The following PPP2R2D variants were observed in gnomAD, a reference collection of about 807,000 sequenced individuals.
PPP2R2D encodes protein phosphatase 2 regulatory subunit Bdelta.
Under a neutral mutation model 31.1 loss-of-function variants are expected in PPP2R2D, and 9 were observed. The ratio of observed to expected loss-of-function variants is 0.29; its 90% CI spans 0.17 to 0.51. The LOEUF is 0.51. Ranked by LOEUF, PPP2R2D falls within the 20% of genes least tolerant of loss-of-function variation. The pLI is 0.98. For missense variants in PPP2R2D, 391 were observed against 465.6 expected (o/e 0.84, Z 1.48); for synonymous variants, 179 against 172.6 (o/e 1.04, Z -0.29).
chr10:131,970,756 C>T, the PPP2R2D span: 1 of 1,614,052 alleles, frequency 6.2e-7, no homozygotes, highest in African/African-American at 1.3e-5. This position sits in a 1 kb window ranked among gnomAD's most constrained non-coding sequence, Gnocchi z 4.1. Flanking sequence ...CTGAGGGTGG[C>T]CGTGCGCTTC....
chr10:131,920,349 TCAGGCAGGTGGAATGACACAG>T (rs1554894058), intron 2 of PPP2R2D, among the ~76,000 whole-genome samples: 1 of 136,824 alleles, frequency 7.3e-6, no homozygotes, highest in East Asian at 2.3e-4. Context: ...TGTAGGGACC[TCAGGCAGGTGGAATGACACAG>T]TGTAGGGACC....
chr10:131,912,897 T>TG (rs1393292751), intron 2 of PPP2R2D, among the ~76,000 whole-genome samples: 1 of 152,086 alleles, frequency 6.6e-6, no homozygotes, highest in Admixed American at 6.6e-5. Context: ...CATCCAGGAG[T>TG]GGGTACACGG....
chr10:131,909,541 TTCAAC>T (rs1443050505), intron 2 of PPP2R2D, among the ~76,000 whole-genome samples: 1 of 152,222 alleles, frequency 6.6e-6, no homozygotes, highest in Non-Finnish European at 1.5e-5. Flanking sequence ...AACGACTGAA[TTCAAC>T]TCTGCCTTTA....
At chr10:131,901,442 C>G in intron 2 of PPP2R2D, 112 bp downstream of exon 2, 1 of 325,166 alleles carries the variant, frequency 3.1e-6, no homozygotes, top group Non-Finnish European at 5.6e-6. Context: ...AGGATGGGGG[C>G]CGGGCGGGGC....
At chr10:131,939,812 C>A (rs2036410214) in intron 3 of PPP2R2D, 1 of 321,410 alleles carries the variant, frequency 3.1e-6, no homozygotes. Flanking sequence ...ATTCGGCAGA[C>A]CTGCTCCAGA....
chr10:131,965,459 TA>T, the PPP2R2D span, among the ~76,000 whole-genome samples: 1 of 152,206 alleles, frequency 6.6e-6, no homozygotes, highest in African/African-American at 2.4e-5. Flanking sequence ...AGGGGGCTTT[TA>T]TTTTTTTGAG....
intron 2 of PPP2R2D, among the ~76,000 whole-genome samples, chr10:131,916,312 A>G (rs1554893045): frequency 2.0e-5 from 3 of 146,560 alleles, no homozygotes; most frequent in Admixed American, 6.9e-5. Context: ...TGTGACACCC[A>G]GGTTGGCATA....
At chr10:131,921,244 G>A (rs1247993642) in intron 2 of PPP2R2D, among the ~76,000 whole-genome samples, 1 of 152,214 alleles carries the variant, frequency 6.6e-6, no homozygotes, top group African/African-American at 2.4e-5. Flanking sequence ...CTGCCACGGG[G>A]GAGAGGCCAG....
At chr10:131,923,645 T>C (rs948441629) in intron 2 of PPP2R2D, among the ~76,000 whole-genome samples, 76 of 152,344 alleles carry the variant, frequency 5.0e-4, no homozygotes, top group African/African-American at 1.8e-3. Context: ...TGAACTGGTA[T>C]CTGGTGGTTT....
At chr10:131,954,792 C>T (rs1210826067) in intron 8 of PPP2R2D, among the ~76,000 whole-genome samples, 4 of 152,210 alleles carry the variant, frequency 2.6e-5, no homozygotes, top group East Asian at 1.9e-4. Flanking sequence ...CCTCTCACCG[C>T]GCATGACCAT....
At chr10:131,961,073 C>T (rs916573146), downstream of PPP2R2D, among the ~76,000 whole-genome samples, 7 of 152,154 alleles carry the variant, frequency 4.6e-5, no homozygotes, top group African/African-American at 1.7e-4. Context: ...AGCCAGGAAT[C>T]CAGCCACAGG....
At chr10:131,902,229 A>G (rs917029422) in intron 2 of PPP2R2D, among the ~76,000 whole-genome samples, 5 of 152,348 alleles carry the variant, frequency 3.3e-5, no homozygotes, top group Non-Finnish European at 4.4e-5. Context: ...TTGTTCATAC[A>G]TCTTACTGAA....
At chr10:131,920,946 C>T (rs1199631579) in intron 2 of PPP2R2D, among the ~76,000 whole-genome samples, 2 of 152,152 alleles carry the variant, frequency 1.3e-5, no homozygotes, top group African/African-American at 2.4e-5. Context: ...AAAAGTGAAA[C>T]AGGAATCTCA....
At chr10:131,960,805 A>AGGGAGTGG, downstream of PPP2R2D, among the ~76,000 whole-genome samples, 1 of 152,296 alleles carries the variant, frequency 6.6e-6, no homozygotes, top group Non-Finnish European at 1.5e-5. Context: ...GGCATCAGCC[A>AGGGAGTGG]GGGAGTGGGG....
In PPP2R2D at chr10:131,934,754, C is replaced by G. The variant is rs141770229; in HGVS notation, c.198+199C>G. ...CTGAGCCCCGGTGAAGTCTCCAAGG[C>G]CTTTGTCTTCAGAGTAGGGAGGAGA... is the stretch of plus-strand genomic sequence containing the variant. On this transcript the variant is annotated intron_variant, in intron 3 of 8. Transcript: ENST00000455566. The G allele has an allele frequency of 6.5e-4, 381 of 590,310 alleles. 1 individual carries two copies. Among genetic ancestry groups the G allele is most frequent in the Admixed American group, 2.2e-3 (102 of 45,690 alleles). The allele number at this position is 590,310 out of a possible 1,614,324, so 36.6% of individuals were successfully genotyped here. A position where few individuals can be genotyped will look rare whatever the true frequency, so the allele number is the denominator to read the frequency against.
chr10:131,902,240 C>T (rs1044654217), intron 2 of PPP2R2D, among the ~76,000 whole-genome samples: 3 of 152,312 alleles, frequency 2.0e-5, no homozygotes, highest in Non-Finnish European at 4.4e-5. Context: ...TCTTACTGAA[C>T]ATTGTAAACC....
chr10:131,949,990 A>G (rs1554898593), intron 8 of PPP2R2D, among the ~76,000 whole-genome samples: 1 of 118,854 alleles, frequency 8.4e-6, no homozygotes. Flanking sequence ...GGAGTCAGAG[A>G]ACATCTAGAA....
chr10:131,970,322 G>A, the PPP2R2D span: 1 of 394,508 alleles, frequency 2.5e-6, no homozygotes, highest in Non-Finnish European at 4.6e-6. This position sits in a 1 kb window ranked among gnomAD's most constrained non-coding sequence, Gnocchi z 4.1. Context: ...ACACAGAAAT[G>A]AGACTGCTTT....
At chr10:131,917,969 G>A (rs1293157905) in intron 2 of PPP2R2D, among the ~76,000 whole-genome samples, 3 of 139,672 alleles carry the variant, frequency 2.1e-5, no homozygotes, top group African/African-American at 8.2e-5. Context: ...GACCTCACAC[G>A]GGTGGAATGA....
Sources: gnomAD v4.1 joint callset for allele counts (sites outside exome capture counted in the v4.1 genomes callset) on GRCh38, gnomAD v4.1.1 for gene constraint, Gnocchi (gnomAD v3.1) non-coding constraint, MANE v1.5 for transcripts, NCBI Gene and HGNC (gene_info 2026-07-23, HGNC 2026-07-21) for gene names.